The following COL22A1 variants were observed in gnomAD, a reference collection of about 807,000 sequenced individuals.
COL22A1 encodes collagen alpha-1(XXII) chain.
In COL22A1, 221 loss-of-function variants were observed where a neutral mutation model predicts 248.9. That is an observed-to-expected ratio of 0.89 (90% CI 0.80 to 0.99). The LOEUF (loss-of-function observed/expected upper bound fraction) is 0.99. COL22A1 is among the 50% of genes least tolerant of loss of function. The pLI, the probability that COL22A1 is intolerant of heterozygous loss-of-function variation, is 0.00. For synonymous variants in COL22A1, 891 were observed against 793.4 expected, an observed-to-expected ratio of 1.12 and a Z score of -2.07; for missense variants, 2,240 against 2,179.0, an observed-to-expected ratio of 1.03 and a Z score of -0.56.
intron 12 of COL22A1, among the ~76,000 whole-genome samples, chr8:138,785,153 T>C (rs1015840628): frequency 6.6e-6 from 1 of 152,134 alleles, no homozygotes; most frequent in Non-Finnish European, 1.5e-5. Context: ...ATTCTGCCCT[T>C]CCTCTTCAGC....
intron 11 of COL22A1, among the ~76,000 whole-genome samples, chr8:138,798,407 C>G (rs1364033000): frequency 1.3e-5 from 2 of 151,814 alleles, no homozygotes; most frequent in African/African-American, 4.8e-5. Context: ...ATTTACACTA[C>G]TTTCATGATA....
intron 30 of COL22A1, among the ~76,000 whole-genome samples, chr8:138,712,534 A>G (rs142278722): frequency 1.2e-5 from 1 of 85,718 alleles, no homozygotes; most frequent in East Asian, 3.2e-4. Flanking sequence ...CAGAGAGTAC[A>G]TGTTCTATCA....
At chr8:138,597,532 C>A (rs1406982684) in intron 61 of COL22A1, among the ~76,000 whole-genome samples, 5 of 152,132 alleles carry the variant, frequency 3.3e-5, no homozygotes, top group African/African-American at 1.2e-4. Flanking sequence ...GTTTGACAAC[C>A]AGAGGAGCAA....
chr8:138,895,501 A>T (rs1043255673), intron 1 of COL22A1, among the ~76,000 whole-genome samples: 21 of 152,324 alleles, frequency 1.4e-4, no homozygotes, highest in African/African-American at 4.1e-4. Context: ...CTAAAAAAAA[A>T]TACAATAACA....
intron 62 of COL22A1, among the ~76,000 whole-genome samples, chr8:138,595,509 C>T (rs1330231128): frequency 6.6e-6 from 1 of 152,148 alleles, no homozygotes; most frequent in Non-Finnish European, 1.5e-5. Context: ...CCTCAGAACA[C>T]CACCCACCCA....
chr8:138,871,841 T>C (rs1349404534), intron 3 of COL22A1, among the ~76,000 whole-genome samples: 1 of 152,162 alleles, frequency 6.6e-6, no homozygotes, highest in Non-Finnish European at 1.5e-5. Context: ...AAAGAAAAAA[T>C]GTGCAAAACA....
intron 28 of COL22A1, 84 bp downstream of exon 28, chr8:138,716,741 G>A (rs1191169494): frequency 2.0e-6 from 2 of 998,468 alleles, no homozygotes; most frequent in East Asian, 4.9e-5. Flanking sequence ...ATTCCTCTTG[G>A]CATCTAAATA....
chr8:138,596,907 C>G lies in COL22A1; in HGVS notation c.4429G>C (p.Glu1477Gln). The G allele has an allele frequency of 6.2e-7, 1 of 1,613,978 alleles. No individual in the cohort carries two copies. The highest frequency in any genetic ancestry group is 8.5e-7 in the Non-Finnish European group (1 of 1,179,884). Reference sequence around the variant, plus strand: ...GTAACACAGTCCAGATACTCACTTTCAAGCTGCTTCCCCAGCTCTTCTTGA... The same window carrying G: ...GTAACACAGTCCAGATACTCACTTTGAAGCTGCTTCCCCAGCTCTTCTTGA... The part of the protein sequence containing the change: ...LIQEELGKQL[E>Q]TRLAYLLAQM... Residue 1477 changes from glutamate to glutamine, a missense_variant, in exon 62 of 65, where the codon GAA (glutamate) becomes CAA (glutamine). By Grantham distance (29) the Glu-to-Gln change is conservative. Coordinates refer to ENST00000303045, the MANE Select transcript of COL22A1 (RefSeq NM_152888.3).
Position 138,856,591 on chromosome 8 carries a change from TGAGAGAGA to T in COL22A1, c.659-12441_659-12434del, listed in dbSNP as rs148698442. On this transcript the variant is annotated intron_variant, in intron 3 of 64. Coordinates refer to ENST00000303045, the MANE Select transcript of COL22A1 (RefSeq NM_152888.3). ...GGGACAGAGAGAGAGACAGAGGCAGTGAGAGAGAGAGAGAGAGAGAGAGAGAGGAGCAG... is the reference window on the plus strand; with the variant it reads ...GGGACAGAGAGAGAGACAGAGGCAGTGAGAGAGAGAGAGAGAGAGGAGCAG... 3.6e-3 allele frequency among the ~76,000 whole-genome samples: 379 copies of T among 105,908 alleles called. 1 individual carries two copies. The highest frequency in any genetic ancestry group is 0.011 in the African/African-American group (346 of 31,804). 69.5% of individuals were successfully genotyped at this position (105,908 alleles called of 152,430 possible).
intron 9 of COL22A1, among the ~76,000 whole-genome samples, chr8:138,808,857 C>T (rs1001756430): frequency 6.6e-6 from 1 of 152,180 alleles, no homozygotes; most frequent in East Asian, 1.9e-4. Flanking sequence ...TCACCTAGCG[C>T]CCACAAGAGT....
intron 10 of COL22A1, among the ~76,000 whole-genome samples, chr8:138,807,063 A>G (rs2131670990): frequency 6.6e-6 from 1 of 152,180 alleles, no homozygotes; most frequent in East Asian, 1.9e-4. Flanking sequence ...GGGAGAACAG[A>G]GTGGAAGGAA....
In COL22A1 at chr8:138,594,127, G is replaced by A. The variant is rs933372446; in HGVS notation, c.4505C>T (p.Pro1502Leu). 31 of 1,576,640 alleles carry A rather than the reference G, an allele frequency of 2.0e-5. No homozygotes were observed. Among genetic ancestry groups the A allele is most frequent in the Admixed American group, 6.2e-5 (3 of 48,684 alleles). ...AAGCCCATCTTTTCCAGGGGGCCCT[G>A]GGGGCCCAGGTCTGCCTTGAGATGA... ...MKSSQGRPGP[P>L]GPPGKDGLPG... Residue 1502 changes from proline to leucine, a missense_variant, in exon 63 of 65, where the codon CCA (proline) becomes CTA (leucine). Coordinates refer to ENST00000303045, the MANE Select transcript of COL22A1 (RefSeq NM_152888.3).
chr8:138,637,954 A>G (rs1340643274), intron 47 of COL22A1, among the ~76,000 whole-genome samples: 1 of 152,058 alleles, frequency 6.6e-6, no homozygotes, highest in Non-Finnish European at 1.5e-5. Context: ...TGTTTCCATC[A>G]CCGTCATCAT....
intron 1 of COL22A1, among the ~76,000 whole-genome samples, chr8:138,911,919 A>C (rs1815479419): frequency 6.6e-6 from 1 of 152,164 alleles, no homozygotes; most frequent in Non-Finnish European, 1.5e-5. Flanking sequence ...GTCTAATAAG[A>C]CAGGCCCAAC....
chr8:138,819,007 G>A (rs1040312887), intron 7 of COL22A1, among the ~76,000 whole-genome samples: 3 of 152,100 alleles, frequency 2.0e-5, no homozygotes, highest in Non-Finnish European at 2.9e-5. Context: ...CAGTTTGCAC[G>A]TGTCTGTCCT....
At chr8:138,829,502 C>T (rs760517601) in intron 5 of COL22A1, among the ~76,000 whole-genome samples, 1 of 149,408 alleles carries the variant, frequency 6.7e-6, no homozygotes, top group South Asian at 2.1e-4. Flanking sequence ...CTCCCGGGCT[C>T]AACCAATTCT....
intron 56 of COL22A1, among the ~76,000 whole-genome samples, chr8:138,612,610 C>G (rs1001965231): frequency 6.6e-6 from 1 of 152,064 alleles, no homozygotes; most frequent in Admixed American, 6.5e-5. Flanking sequence ...CCTTACCCAA[C>G]AAGGACTGGA....
At chr8:138,761,773 T>C (rs1046004657) in intron 17 of COL22A1, among the ~76,000 whole-genome samples, 1 of 152,190 alleles carries the variant, frequency 6.6e-6, no homozygotes, top group African/African-American at 2.4e-5. Context: ...AGATGATGCG[T>C]TCACATGGTT....
At chr8:138,718,723 G>A (rs376240348) in intron 27 of COL22A1, among the ~76,000 whole-genome samples, 9 of 152,190 alleles carry the variant, frequency 5.9e-5, no homozygotes, top group Admixed American at 2.0e-4. Flanking sequence ...CGTCATGACC[G>A]GAGAAATTCA....
Sources: allele counts gnomAD v4.1 joint callset (sites outside exome capture counted in the v4.1 genomes callset), GRCh38; gene constraint gnomAD v4.1.1; transcripts MANE v1.5; gene names NCBI Gene and HGNC (gene_info 2026-07-23, HGNC 2026-07-21).